Variants in CHD7 observed in about 807,000 individuals in gnomAD.
CHD7 encodes the protein chromodomain helicase DNA binding protein 7, also known as ATP-dependent chromatin remodeler CHD7.
A neutral mutation model predicts 307.3 loss-of-function variants in CHD7; 24 were observed. The ratio of observed to expected loss-of-function variants is 0.08; its 90% CI spans 0.06 to 0.11. The LOEUF (loss-of-function observed/expected upper bound fraction) is 0.11. Among genes scored for constraint, CHD7 ranks in the 10% least tolerant of loss-of-function variants. The pLI is 1.00. For synonymous variants in CHD7, 1,363 were observed against 1,349.9 expected (o/e 1.01, Z -0.21); for missense variants, 3,106 against 3,727.1 (o/e 0.83, Z 4.34).
intron 1 of CHD7, among the ~76,000 whole-genome samples, chr8:60,726,453 AAG>A (rs1808162495): frequency 6.6e-6 from 1 of 152,354 alleles, no homozygotes; most frequent in South Asian, 2.1e-4. Context: ...AAAAATGAAA[AAG>A]AATGCTTTCG....
In CHD7 at chr8:60,800,447, G is replaced by T. The variant is rs1292493076; in HGVS notation, c.2298G>T (p.Lys766Asn). The T allele has an allele frequency of 6.2e-7, 1 of 1,613,790 alleles. No homozygotes were observed. Among genetic ancestry groups the T allele is most frequent in the East Asian group, 2.2e-5 (1 of 44,894 alleles). Residue 766 changes from lysine (K) to asparagine (N), a missense_variant, in exon 5 of 38, where the codon AAG (lysine) becomes AAT (asparagine). Around this residue, in one of 10 missense-constraint regions of CHD7, gnomAD observed 998 missense variants for 1,004.5 expected, o/e 0.99. Coordinates refer to ENST00000423902, the MANE Select transcript of CHD7 (RefSeq NM_017780.4). ...GCTACACTGAAGACCTGGAGTTCAAGATTTCTGATGAGGAGGCAGATGATG... is the reference window on the plus strand; with the variant it reads ...GCTACACTGAAGACCTGGAGTTCAATATTTCTGATGAGGAGGCAGATGATG... The part of the protein sequence containing the change: ...RKRYTEDLEF[K>N]ISDEEADDAD...
chr8:60,826,555 C>T (rs1804261508), intron 13 of CHD7, among the ~76,000 whole-genome samples: 1 of 152,192 alleles, frequency 6.6e-6, no homozygotes, highest in Admixed American at 6.5e-5. Flanking sequence ...CTGCTGTTAC[C>T]TGCACTAGAC....
At chr8:60,713,173 G>A (rs576173182) in intron 1 of CHD7, among the ~76,000 whole-genome samples, 4 of 151,912 alleles carry the variant, frequency 2.6e-5, no homozygotes, top group South Asian at 2.1e-4. Flanking sequence ...ACTCAGTGGC[G>A]CCATCTCCAC....
intron 2 of CHD7, among the ~76,000 whole-genome samples, chr8:60,761,113 T>C (rs377268267): frequency 4.6e-5 from 7 of 151,696 alleles, no homozygotes; most frequent in East Asian, 3.9e-4. Context: ...CAATGATAGA[T>C]TGGATTAAGA....
intron 25 of CHD7, 31 bp from the exon 26 acceptor site, chr8:60,850,462 T>C: frequency 1.9e-6 from 3 of 1,581,562 alleles, no homozygotes; most frequent in Non-Finnish European, 8.7e-7. Flanking sequence ...TGTTTCTGTG[T>C]GTTTTCTGTG....
At chr8:60,689,682 G>A (rs1806099419) in intron 1 of CHD7, among the ~76,000 whole-genome samples, 1 of 152,164 alleles carries the variant, frequency 6.6e-6, no homozygotes, top group Admixed American at 6.5e-5. Context: ...GAGGCTGAAT[G>A]GTGTCTGTTA....
intron 1 of CHD7, among the ~76,000 whole-genome samples, chr8:60,714,358 C>T (rs1049620482): frequency 2.8e-5 from 4 of 145,212 alleles, no homozygotes; most frequent in Non-Finnish European, 3.0e-5. Flanking sequence ...ACTTCCTGAC[C>T]GGAAGGCCGA....
chr8:60,751,727 A>G (rs1809650711), intron 2 of CHD7, among the ~76,000 whole-genome samples: 1 of 152,226 alleles, frequency 6.6e-6, no homozygotes, highest in Non-Finnish European at 1.5e-5. Context: ...CTTAGTGTAA[A>G]AAATGGAGGA....
intron 15 of CHD7, among the ~76,000 whole-genome samples, chr8:60,835,607 A>G (rs1325199078): frequency 3.9e-5 from 6 of 152,118 alleles, no homozygotes; most frequent in Non-Finnish European, 7.4e-5. Flanking sequence ...CCAAACTACT[A>G]TTGCTCTTAC....
At position 60,865,454 on chromosome 8, in the gene CHD7, A is replaced by G; in HGVS notation, c.8515A>G (p.Ser2839Gly). The part of the protein sequence containing the change: ...TASSQGEPED[S>G]TSKGEEKGNE... ...TTCTAGTCAAGGAGAACCGGAAGAC[A>G]GCACTTCAAAAGGAGAGGAGAAAGG... Residue 2839 changes from serine (S) to glycine (G), a missense_variant, in exon 38 of 38, where the codon AGC becomes GGC. Transcript: ENST00000423902. This position sits in a 1 kb window ranked among gnomAD's most constrained non-coding sequence, Gnocchi z 4.3. 1 of 1,614,070 alleles carries G rather than the reference A, an allele frequency of 6.2e-7. No homozygotes were observed.
intron 3 of CHD7, among the ~76,000 whole-genome samples, chr8:60,793,275 G>A (rs1223036014): frequency 6.6e-6 from 1 of 151,976 alleles, no homozygotes; most frequent in African/African-American, 2.4e-5. Context: ...AAAATATTAT[G>A]CTTTCTGTGG....
chr8:60,759,781 C>G (rs559526281), intron 2 of CHD7, among the ~76,000 whole-genome samples: 2 of 152,042 alleles, frequency 1.3e-5, no homozygotes, highest in Non-Finnish European at 2.9e-5. Flanking sequence ...TGAGTTTAAG[C>G]TGGAGTGTGA....
chr8:60,848,574 C>A lies in CHD7; in HGVS notation c.5270C>A (p.Ala1757Glu), dbSNP rs368747227. Reference protein sequence around the residue: ...YLRQEVIGDQADKILEGADSS... With the variant: ...YLRQEVIGDQEDKILEGADSS... Reference sequence around the variant, plus strand: ...AGACAAGAAGTGATAGGAGACCAGGCGGATAAGATCTTAGAGGGTGCTGAC... The same window carrying A: ...AGACAAGAAGTGATAGGAGACCAGGAGGATAAGATCTTAGAGGGTGCTGAC... The change falls in exon 24 of 38, where the codon GCG becomes GAG. Residue 1757 changes from alanine (A) to glutamate (E), a missense_variant. Coordinates refer to ENST00000423902, the MANE Select transcript of CHD7 (RefSeq NM_017780.4). The A allele has an allele frequency of 6.2e-7, 1 of 1,613,498 alleles. No individual in the cohort carries two copies. The highest frequency in any genetic ancestry group is 2.2e-5 in the East Asian group (1 of 44,876).
At chr8:60,785,942 C>G (rs773260489) in intron 3 of CHD7, among the ~76,000 whole-genome samples, 16 of 152,178 alleles carry the variant, frequency 1.1e-4, no homozygotes, top group South Asian at 4.2e-4. Context: ...GTTTTGCACC[C>G]TGTGCCTGTG....
At position 60,808,333 on chromosome 8, in the gene CHD7, A is replaced by AT. The variant is rs530966773; in HGVS notation, c.2498+70dup. On this transcript the variant is annotated intron_variant, in intron 7 of 37. Transcript: ENST00000423902. ...TATATTTTCCAAGTAGTAAACGACC[A>AT]TTTTTTTTTAAAGTTGGGAAATTAA... 1.3e-3 allele frequency: 1,239 copies of AT among 979,726 alleles called. 2 individuals carry two copies. The highest frequency in any genetic ancestry group is 8.5e-3 in the African/African-American group (508 of 59,910). 60.7% of individuals were successfully genotyped at this position (979,726 alleles called of 1,614,324 possible). A position where few individuals can be genotyped will look rare whatever the true frequency, so the allele number is the denominator to read the frequency against.
At chr8:60,731,024 C>G (rs1342591662) in intron 1 of CHD7, among the ~76,000 whole-genome samples, 1 of 152,158 alleles carries the variant, frequency 6.6e-6, no homozygotes, top group Admixed American at 6.5e-5. Flanking sequence ...GTAGATGCTA[C>G]CTGCCCATTC....
At position 60,841,731 on chromosome 8, in the gene CHD7, G is replaced by A. The variant is rs767513261; in HGVS notation, c.4621G>A (p.Asp1541Asn). 22 of 1,607,790 alleles carry A rather than the reference G, an allele frequency of 1.4e-5. No individual in the cohort carries two copies. The highest frequency in any genetic ancestry group is 2.7e-5 in the African/African-American group (2 of 74,834). Residue 1541 changes from aspartate to asparagine, a missense_variant, in exon 20 of 38, where the codon GAT (aspartate) becomes AAT (asparagine). Asp to Asn is a conservative substitution (Grantham distance 23). Around this residue, in one of 10 missense-constraint regions of CHD7, gnomAD observed 122 missense variants for 124.5 expected, o/e 0.98. Transcript: ENST00000423902. ...AAAGTGGGCTAAGAAGGCTGAATTG[G>A]ATATTGATGCCTTAAATGGGAGGGT... ...WQKWAKKAELDIDALNGRNNL... is the reference protein window; with the variant it reads ...WQKWAKKAELNIDALNGRNNL...
intron 1 of CHD7, among the ~76,000 whole-genome samples, chr8:60,690,030 A>G (rs1806115846): frequency 1.3e-5 from 2 of 152,208 alleles, no homozygotes; most frequent in African/African-American, 4.8e-5. Context: ...GTGAATATGC[A>G]GCCTCCGTGA....
At chr8:60,684,074 T>C (rs142239483) in intron 1 of CHD7, among the ~76,000 whole-genome samples, 3 of 152,354 alleles carry the variant, frequency 2.0e-5, no homozygotes, top group African/African-American at 4.8e-5. Context: ...TGATTGTTTT[T>C]TCAGAGAAGG....
Sources: allele counts gnomAD v4.1 joint callset (sites outside exome capture counted in the v4.1 genomes callset), GRCh38; gene constraint gnomAD v4.1.1; regional missense constraint gnomAD v4.1.1; non-coding constraint Gnocchi (gnomAD v3.1); transcripts MANE v1.5; gene names NCBI Gene and HGNC (gene_info 2026-07-23, HGNC 2026-07-21).